Variants in ARHGEF33 observed in about 807,000 individuals in gnomAD.
ARHGEF33 encodes DH and coiled-coil domain-containing protein ENSP00000381780.
A neutral mutation model predicts 101.9 loss-of-function variants in ARHGEF33; 72 were observed. That is an observed-to-expected ratio of 0.71 (90% CI 0.58 to 0.86). The LOEUF is 0.86. ARHGEF33 is among the 40% of genes least tolerant of loss of function. The pLI, the probability that ARHGEF33 is intolerant of heterozygous loss-of-function variation, is 0.00. For synonymous variants in ARHGEF33, 499 were observed against 442.5 expected (o/e 1.13, Z -1.60); for missense variants, 1,169 against 1,111.3 (o/e 1.05, Z -0.74).
At chr2:38,893,704 C>G (rs1456756339) in intron 1 of ARHGEF33, among the ~76,000 whole-genome samples, 1 of 152,176 alleles carries the variant, frequency 6.6e-6, no homozygotes, top group Non-Finnish European at 1.5e-5. Flanking sequence ...TCTCCTAGCA[C>G]CTGGTACAAT....
intron 16 of ARHGEF33, among the ~76,000 whole-genome samples, chr2:38,962,801 T>C (rs1667973807): frequency 8.1e-6 from 1 of 124,192 alleles, no homozygotes; most frequent in African/African-American, 3.2e-5. Flanking sequence ...GATCATGAGG[T>C]CAGGAGATCA....
At chr2:38,972,424 T>C (rs1313910207) in intron 17 of ARHGEF33, among the ~76,000 whole-genome samples, 1 of 151,856 alleles carries the variant, frequency 6.6e-6, no homozygotes, top group African/African-American at 2.4e-5. Context: ...TGTACTGGAG[T>C]TGAGAGATAG....
At chr2:38,898,578 A>T (rs1157024327) in intron 2 of ARHGEF33, among the ~76,000 whole-genome samples, 4 of 152,214 alleles carry the variant, frequency 2.6e-5, no homozygotes, top group Admixed American at 2.0e-4. Context: ...TTGCTTTTAT[A>T]ATTGAGATTT....
intron 3 of ARHGEF33, 111 bp from the exon 4 acceptor site, chr2:38,921,263 G>T (rs778583926): frequency 7.2e-6 from 5 of 690,788 alleles, no homozygotes; most frequent in African/African-American, 5.3e-5. Flanking sequence ...GTTTCTTGTC[G>T]TGCGGGCACA....
chr2:38,954,454 C>CA lies in ARHGEF33; in HGVS notation c.1220dup (p.Asn408GlufsTer12). On this transcript the variant is annotated frameshift_variant and splice_region_variant, in exon 13 of 18. Transcript: ENST00000409978. LOFTEE classifies it high-confidence loss of function. ...CATCCCTGAATATCTGATACATCTG[C>CA]AGGTAGGCATGGGTGGGAAAGCCAC... is the stretch of plus-strand genomic sequence containing the variant. The CA allele has an allele frequency of 6.5e-7, 1 of 1,546,840 alleles. No homozygotes were observed. Among genetic ancestry groups the CA allele is most frequent in the African/African-American group, 1.4e-5 (1 of 73,034 alleles).
intron 4 of ARHGEF33, among the ~76,000 whole-genome samples, chr2:38,925,190 G>T (rs1666844273): frequency 6.6e-6 from 1 of 152,128 alleles, no homozygotes; most frequent in African/African-American, 2.4e-5. Context: ...TGGTTATACT[G>T]AAATAATGAA....
chr2:38,953,226 A>G lies in ARHGEF33; in HGVS notation c.1118A>G (p.His373Arg). The G allele has an allele frequency of 6.5e-7, 1 of 1,536,728 alleles. No individual in the cohort carries two copies. The highest frequency in any genetic ancestry group is 8.8e-7 in the Non-Finnish European group (1 of 1,133,012). ...RDLPECISLVHVVVLKEGDEE... is the reference protein window; with the variant it reads ...RDLPECISLVRVVVLKEGDEE... Reference sequence around the variant, plus strand: ...CTGCCTGAGTGCATCTCATTGGTTCATGTTGTAGTCCTGAAAGAGGTGAGT... The same window carrying G: ...CTGCCTGAGTGCATCTCATTGGTTCGTGTTGTAGTCCTGAAAGAGGTGAGT... Residue 373 changes from histidine to arginine, a missense_variant, in exon 12 of 18, where the codon CAT becomes CGT. By Grantham distance (29) the His-to-Arg change is conservative. Transcript: ENST00000409978.
At chr2:38,942,738 C>T (rs530568200) in intron 9 of ARHGEF33, among the ~76,000 whole-genome samples, 12 of 152,046 alleles carry the variant, frequency 7.9e-5, no homozygotes, top group South Asian at 2.1e-4. Context: ...AAAAAAAATA[C>T]GTATATATGC....
chr2:38,959,514 A>C, intron 15 of ARHGEF33: 1 of 245,660 alleles, frequency 4.1e-6, no homozygotes, highest in Non-Finnish European at 7.8e-6. Flanking sequence ...CAAGCAAGGG[A>C]GAGAAGAGAG....
intron 9 of ARHGEF33, among the ~76,000 whole-genome samples, chr2:38,938,634 T>C (rs1314113834): frequency 1.3e-5 from 2 of 152,230 alleles, no homozygotes; most frequent in Non-Finnish European, 1.5e-5. Context: ...TTTAAGCTAA[T>C]AGACATTTTA....
chr2:38,947,082 A>G (rs1228954595), intron 10 of ARHGEF33, among the ~76,000 whole-genome samples: 1 of 152,226 alleles, frequency 6.6e-6, no homozygotes, highest in East Asian at 1.9e-4. Context: ...AAGTAAGTAT[A>G]TTAACATTTA....
intron 2 of ARHGEF33, among the ~76,000 whole-genome samples, chr2:38,904,998 G>A (rs895941072): frequency 6.6e-6 from 1 of 152,096 alleles, no homozygotes; most frequent in Non-Finnish European, 1.5e-5. Context: ...CGATCATTCC[G>A]AGGTCTTGAG....
intron 2 of ARHGEF33, among the ~76,000 whole-genome samples, chr2:38,896,253 C>G (rs374180750): frequency 6.6e-6 from 1 of 152,178 alleles, no homozygotes; most frequent in South Asian, 2.1e-4. Flanking sequence ...ATCCTCCTGC[C>G]TCAGCCTCCC....
Position 38,960,490 on chromosome 2 carries a change from CGCA to C in ARHGEF33, c.2194_2196del (p.Ser732del), listed in dbSNP as rs924257869. On this transcript the variant is annotated inframe_deletion, in exon 16 of 18. Transcript: ENST00000409978. ...CGTGGCCCCACGCCTCTACAGCACG[CGCA>C]GCAGCAGCGGCGGCCGCGCGCCCAT... 7.2e-7 allele frequency: 1 copy of C among 1,395,270 alleles called. No individual in the cohort carries two copies. The highest frequency in any genetic ancestry group is 9.3e-7 in the Non-Finnish European group (1 of 1,076,374). The allele number at this position is 1,395,270 out of a possible 1,614,324, so 86.4% of individuals were successfully genotyped here. A position where few individuals can be genotyped will look rare whatever the true frequency, so the allele number is the denominator to read the frequency against.
chr2:38,909,067 A>C lies in ARHGEF33; in HGVS notation c.-85-10296A>C, dbSNP rs923044924. On this transcript the variant is annotated intron_variant, in intron 2 of 17. Coordinates refer to ENST00000409978, the MANE Select transcript of ARHGEF33 (RefSeq NM_001145451.5). ...GGAGCTGGAGACAGAAAGAGGAATG[A>C]AACTCCGTGTATACCCCTTAGTTGC... Among the ~76,000 whole-genome samples the C allele has an allele frequency of 2.6e-5, 4 of 152,154 alleles. No individual in the cohort carries two copies. In the South Asian group the frequency reaches 8.3e-4, roughly 32 times the overall value.
chr2:38,921,087 T>C (rs923165319), intron 3 of ARHGEF33, among the ~76,000 whole-genome samples: 1 of 152,246 alleles, frequency 6.6e-6, no homozygotes, highest in African/African-American at 2.4e-5. Context: ...TTTGTGGCTA[T>C]TTAATAATCA....
At position 38,973,880 on chromosome 2, in the gene ARHGEF33, A is replaced by C. The variant is rs1411190724; in HGVS notation, c.*37A>C. 2.7e-6 allele frequency: 4 copies of C among 1,505,090 alleles called. No individual in the cohort carries two copies. The highest frequency in any genetic ancestry group is 3.6e-6 in the Non-Finnish European group (4 of 1,124,456). 93.2% of individuals were successfully genotyped at this position (1,505,090 alleles called of 1,614,324 possible). ...AGTTGTATTGTCAAGTGGTAAGATG[A>C]GGATAAAAAGCTTGTATATATCTGT... On this transcript the variant is annotated 3_prime_UTR_variant, in exon 18 of 18. Coordinates refer to ENST00000409978, the MANE Select transcript of ARHGEF33 (RefSeq NM_001145451.5).
rs1307587518 is a variant in ARHGEF33 at position 38,916,875 on chromosome 2, ACTGCAACCT to A, written c.-85-2483_-85-2475del. 3.3e-5 allele frequency among the ~76,000 whole-genome samples: 5 copies of A among 150,694 alleles called. No homozygotes were observed. The East Asian group carries it at 9.8e-4, about 29-fold the overall frequency. ...GAGTACAATGGCACGAGCTCAGCTC[ACTGCAACCT>A]CTGCCTCCCAGGTTCAAGTGATTCT... On this transcript the variant is annotated intron_variant, in intron 2 of 17. Transcript: ENST00000409978.
chr2:38,942,090 T>C (rs569864549), intron 9 of ARHGEF33, among the ~76,000 whole-genome samples: 1 of 151,852 alleles, frequency 6.6e-6, no homozygotes. Context: ...ACTAATTTGA[T>C]GTTGGACCTC....
Sources: allele counts gnomAD v4.1 joint callset (sites outside exome capture counted in the v4.1 genomes callset), GRCh38; gene constraint gnomAD v4.1.1; transcripts MANE v1.5; gene names NCBI Gene and HGNC (gene_info 2026-07-23, HGNC 2026-07-21).